Variants in APBB2 observed in about 807,000 individuals in gnomAD.
APBB2 encodes the protein Fe65-like 1.
Under a neutral mutation model 82.5 loss-of-function variants are expected in APBB2, and 38 were observed. The observed-to-expected ratio is 0.46, with a 90% confidence interval of 0.36 to 0.60. The LOEUF is 0.60. Ranked by LOEUF, APBB2 falls within the 20% of genes least tolerant of loss-of-function variation. The pLI, the probability that APBB2 is intolerant of heterozygous loss-of-function variation, is 0.00. For synonymous variants in APBB2, 341 were observed against 368.2 expected (o/e 0.93, Z 0.85); for missense variants, 772 against 972.3 (o/e 0.79, Z 2.74).
intron 3 of APBB2, among the ~76,000 whole-genome samples, chr4:41,095,835 A>G (rs1202907351): frequency 6.6e-6 from 1 of 152,120 alleles, no homozygotes; most frequent in Non-Finnish European, 1.5e-5. Flanking sequence ...TAAAACTCCC[A>G]TCTAGTTATT....
intron 6 of APBB2, among the ~76,000 whole-genome samples, chr4:40,999,716 C>T (rs1022605783): frequency 6.6e-6 from 1 of 152,104 alleles, no homozygotes; most frequent in African/African-American, 2.4e-5. Context: ...TCAGTAAGAT[C>T]CCAAGGGCAT....
intron 3 of APBB2, among the ~76,000 whole-genome samples, chr4:41,082,446 C>G (rs988688176): frequency 1.3e-5 from 2 of 152,024 alleles, no homozygotes; most frequent in Non-Finnish European, 2.9e-5. Flanking sequence ...GGATATATAG[C>G]TGAGTGAAAG....
In APBB2 at chr4:40,827,179, CT is replaced by C; in HGVS notation, c.1684del (p.Ser562AlafsTer9). On this transcript the variant is annotated frameshift_variant, in exon 14 of 18. Transcript: ENST00000508593. LOFTEE classifies it high-confidence loss of function. ...ERKNAKALAC[S>X]SLQERANVNL... ...CACATTGGCCCTTTCCTGTAAGGAG[CT>C]GCAGGCCAGCGCTTTGGCATTCTTC... 1 of 1,614,206 alleles carries C rather than the reference CT, an allele frequency of 6.2e-7. No homozygotes were observed. The highest frequency in any genetic ancestry group is 8.5e-7 in the Non-Finnish European group (1 of 1,180,030).
chr4:41,018,819 C>T lies in APBB2; in HGVS notation c.20-4421G>A, dbSNP rs550856995. Among the ~76,000 whole-genome samples the T allele has an allele frequency of 2.6e-5, 4 of 152,290 alleles. No individual in the cohort carries two copies. The South Asian group carries it at 8.3e-4, about 32-fold the overall frequency. ...GCTCATTCTCTGGCCTTAGAGTGGACTCTGCCATTTACCAAAGGGAAGCAG... is the reference window on the plus strand; with the variant it reads ...GCTCATTCTCTGGCCTTAGAGTGGATTCTGCCATTTACCAAAGGGAAGCAG... On this transcript the variant is annotated intron_variant, in intron 5 of 17. Transcript: ENST00000508593.
rs557558172 is a variant in APBB2 at position 41,041,118 on chromosome 4, G to A, written c.-50-7814C>T. ...GATGGTCTCGATCTCCTGATCTTGT[G>A]ATTCCCCCACCTTGGCCTCCCAAAG... On this transcript the variant is annotated intron_variant, in intron 4 of 17. Coordinates refer to ENST00000508593, the MANE Select transcript of APBB2 (RefSeq NM_004307.2). Among the ~76,000 whole-genome samples the A allele has an allele frequency of 3.3e-5, 5 of 152,274 alleles. No individual in the cohort carries two copies. The South Asian group carries it at 1.0e-3, about 32-fold the overall frequency.
intron 12 of APBB2, among the ~76,000 whole-genome samples, chr4:40,835,539 C>T (rs1224575738): frequency 1.3e-5 from 2 of 152,206 alleles, no homozygotes; most frequent in Non-Finnish European, 2.9e-5. Context: ...CAGTTGTTTG[C>T]GAGAACTCCC....
intron 2 of APBB2, among the ~76,000 whole-genome samples, chr4:41,126,165 A>G (rs1754327502): frequency 6.6e-6 from 1 of 151,640 alleles, no homozygotes; most frequent in African/African-American, 2.4e-5. Context: ...GGAATGCTTG[A>G]ATCCAGGAGT....
intron 1 of APBB2, among the ~76,000 whole-genome samples, chr4:41,159,907 A>AAGGAGAAGGAGAAGG (rs1267899128): frequency 5.1e-4 from 18 of 35,612 alleles, no homozygotes; most frequent in East Asian, 2.9e-3. Flanking sequence ...GAAGAAGGAG[A>AAGGAGAAGGAGAAGG]AGGAGGAGGA....
chr4:41,051,526 C>G (rs191476583), intron 4 of APBB2, among the ~76,000 whole-genome samples: 1 of 152,178 alleles, frequency 6.6e-6, no homozygotes, highest in Non-Finnish European at 1.5e-5. Context: ...AAGCAATATC[C>G]CAGACATTTC....
At chr4:40,876,593 T>A (rs1253334700) in intron 12 of APBB2, among the ~76,000 whole-genome samples, 1 of 152,224 alleles carries the variant, frequency 6.6e-6, no homozygotes, top group African/African-American at 2.4e-5. Context: ...AAGCCTCTTA[T>A]ATAAAATGGG....
intron 3 of APBB2, among the ~76,000 whole-genome samples, chr4:41,095,388 A>G (rs1313084790): frequency 6.6e-6 from 1 of 152,160 alleles, no homozygotes; most frequent in Non-Finnish European, 1.5e-5. Flanking sequence ...CCTTCTCTTA[A>G]CTGGTCTGTC....
Position 40,832,655 on chromosome 4 carries a change from C to T in APBB2, c.1530-2078G>A, listed in dbSNP as rs531905825. Among the ~76,000 whole-genome samples the T allele has an allele frequency of 1.3e-5, 2 of 152,320 alleles. No individual in the cohort carries two copies. Among genetic ancestry groups the T allele is most frequent in the East Asian group, 3.9e-4 (2 of 5,182 alleles). On this transcript the variant is annotated intron_variant, in intron 12 of 17. Coordinates refer to ENST00000508593, the MANE Select transcript of APBB2 (RefSeq NM_004307.2). The surrounding 1 kb of genome is among the most constrained non-coding windows in gnomAD (Gnocchi z 4.8). Reference sequence around the variant, plus strand: ...GCCTCCCTGCCTGTGCTCAGGCCATCTCCATCCCCTTGCCAGGACTCAGCT... The same window carrying T: ...GCCTCCCTGCCTGTGCTCAGGCCATTTCCATCCCCTTGCCAGGACTCAGCT...
intron 1 of APBB2, among the ~76,000 whole-genome samples, chr4:41,189,186 A>G (rs2154069355): frequency 6.6e-6 from 1 of 152,314 alleles, no homozygotes; most frequent in African/African-American, 2.4e-5. Context: ...CATATAATAT[A>G]TACAGTGGGA....
intron 2 of APBB2, among the ~76,000 whole-genome samples, chr4:41,131,196 A>G (rs1755868383): frequency 6.6e-6 from 1 of 152,174 alleles, no homozygotes. Flanking sequence ...CAGAAGCGAG[A>G]AGCTGAGCAG....
chr4:40,899,732 A>C (rs1774723976), intron 10 of APBB2, among the ~76,000 whole-genome samples: 1 of 152,198 alleles, frequency 6.6e-6, no homozygotes, highest in African/African-American at 2.4e-5. Flanking sequence ...TCTCCTGCTG[A>C]ATTTCTAGGT....
chr4:40,873,551 G>A lies in APBB2; in HGVS notation c.1529+16813C>T, dbSNP rs372076927. On this transcript the variant is annotated intron_variant, in intron 12 of 17. Transcript: ENST00000508593. ...ATTATGCTAGACCACTGAGTTTGTG[G>A]GGGAAATATATTAAGAAATTTCACA... Among the ~76,000 whole-genome samples the A allele has an allele frequency of 5.3e-5, 8 of 152,256 alleles. No individual in the cohort carries two copies. The East Asian group carries it at 1.2e-3, about 22-fold the overall frequency.
intron 6 of APBB2, among the ~76,000 whole-genome samples, chr4:41,001,885 A>AAG (rs1169460036): frequency 1.3e-5 from 2 of 151,962 alleles, no homozygotes; most frequent in African/African-American, 4.8e-5. Context: ...CTCAAAAAAA[A>AAG]AAAAAGAAAA....
intron 1 of APBB2, among the ~76,000 whole-genome samples, chr4:41,157,486 T>C (rs1763771333): frequency 6.6e-6 from 1 of 152,198 alleles, no homozygotes; most frequent in African/African-American, 2.4e-5. Context: ...CCAAACGCTC[T>C]ACCGATAGGT....
intron 4 of APBB2, among the ~76,000 whole-genome samples, chr4:41,050,785 C>A (rs1436234823): frequency 1.3e-5 from 2 of 152,186 alleles, no homozygotes. Context: ...TTGTCAAGCT[C>A]TACGTTCTCT....
Sources: gnomAD v4.1 joint callset for allele counts (sites outside exome capture counted in the v4.1 genomes callset) on GRCh38, gnomAD v4.1.1 for gene constraint, Gnocchi (gnomAD v3.1) non-coding constraint, MANE v1.5 for transcripts, NCBI Gene and HGNC (gene_info 2026-07-23, HGNC 2026-07-21) for gene names.